RUNDC3B: variants seen among roughly 807,000 people sequenced by gnomAD.
RUNDC3B encodes the protein RUN domain containing 3B.
In RUNDC3B, 33 loss-of-function variants were observed where a neutral mutation model predicts 58.4. The ratio of observed to expected loss-of-function variants is 0.56; its 90% CI spans 0.43 to 0.75. RUNDC3B has a LOEUF of 0.75. Among genes scored for constraint, RUNDC3B ranks in the 30% least tolerant of loss-of-function variants. The pLI is 0.00. For missense variants in RUNDC3B, 501 were observed against 535.7 expected, an observed-to-expected ratio of 0.94 and a Z score of 0.64; for synonymous variants, 193 against 195.2, an observed-to-expected ratio of 0.99 and a Z score of 0.10.
At chr7:87,705,757 C>G (rs775672629) in intron 3 of RUNDC3B, among the ~76,000 whole-genome samples, 5 of 152,178 alleles carry the variant, frequency 3.3e-5, no homozygotes, top group Non-Finnish European at 5.9e-5. Context: ...TCTTCCGCAT[C>G]TGCTCTTGGG....
intron 10 of RUNDC3B, among the ~76,000 whole-genome samples, 174 bp downstream of exon 10, chr7:87,816,436 G>A (rs562585553): frequency 6.6e-6 from 1 of 152,130 alleles, no homozygotes; most frequent in East Asian, 1.9e-4. Flanking sequence ...GTGTGTGGGG[G>A]GGGCTAACCT....
intron 4 of RUNDC3B, among the ~76,000 whole-genome samples, chr7:87,733,628 G>A (rs372981020): frequency 1.2e-4 from 19 of 152,306 alleles, no homozygotes; most frequent in East Asian, 1.2e-3. Flanking sequence ...TCCACGGACC[G>A]TGGTGGCAGG....
Position 87,832,044 on chromosome 7 carries a change from T to A in RUNDC3B, c.*2014T>A, listed in dbSNP as rs1341542498. ...ACTTTTCCTCCTTTCTTGGAGATCT[T>A]GGTATAAAATTCATCTGCTGTTATA... On this transcript the variant is annotated 3_prime_UTR_variant, in exon 11 of 11. Coordinates refer to ENST00000394654, the MANE Select transcript of RUNDC3B (RefSeq NM_001134405.2). 6.6e-6 allele frequency: 1 copy of A among 151,942 alleles called. No individual in the cohort carries two copies. The highest frequency in any genetic ancestry group is 1.5e-5 in the Non-Finnish European group (1 of 67,880). The allele number at this position is 151,942 out of a possible 1,614,324, so 9.4% of individuals were successfully genotyped here.
intron 1 of RUNDC3B, among the ~76,000 whole-genome samples, chr7:87,642,563 G>A (rs1225896469): frequency 6.6e-6 from 1 of 151,862 alleles, no homozygotes; most frequent in African/African-American, 2.4e-5. Flanking sequence ...AAGTTTTCTT[G>A]GTTTGATGGC....
intron 10 of RUNDC3B, among the ~76,000 whole-genome samples, chr7:87,821,373 G>T (rs1402289646): frequency 2.6e-5 from 4 of 152,092 alleles, no homozygotes; most frequent in Admixed American, 2.0e-4. Flanking sequence ...ACAAACCACT[G>T]CTCAATGAAA....
intron 4 of RUNDC3B, among the ~76,000 whole-genome samples, chr7:87,736,867 ATATATATATATATATATATATATTT>A (rs1831975649): frequency 5.6e-5 from 2 of 35,512 alleles, no homozygotes; most frequent in African/African-American, 2.2e-4. Context: ...ATATATATAT[ATATATATATATATATATATATATTT>A]TTTTTTTTTT....
At chr7:87,802,454 T>C (rs1004850740) in intron 8 of RUNDC3B, among the ~76,000 whole-genome samples, 10 of 152,020 alleles carry the variant, frequency 6.6e-5, no homozygotes, top group African/African-American at 2.4e-4. Context: ...GGAAAGTGGG[T>C]AAATGGACAC....
intron 2 of RUNDC3B, among the ~76,000 whole-genome samples, chr7:87,655,443 T>A (rs899482084): frequency 2.0e-5 from 3 of 152,066 alleles, no homozygotes; most frequent in African/African-American, 7.2e-5. Flanking sequence ...CCAGGAGACA[T>A]TATGTTGAGT....
intron 2 of RUNDC3B, among the ~76,000 whole-genome samples, chr7:87,663,335 C>T (rs1019915652): frequency 1.3e-5 from 2 of 152,060 alleles, no homozygotes; most frequent in Admixed American, 1.3e-4. Context: ...CCCATTGACG[C>T]TATTAACTAA....
At chr7:87,762,885 A>G (rs1015294780) in intron 6 of RUNDC3B, among the ~76,000 whole-genome samples, 2 of 151,512 alleles carry the variant, frequency 1.3e-5, no homozygotes, top group Admixed American at 1.3e-4. Flanking sequence ...AATTAAAAAA[A>G]AACTACTCCG....
chr7:87,639,516 T>C (rs1389771907), intron 1 of RUNDC3B, among the ~76,000 whole-genome samples: 1 of 152,186 alleles, frequency 6.6e-6, no homozygotes, highest in Non-Finnish European at 1.5e-5. Flanking sequence ...ACTGTAGATT[T>C]GTCTGTTTCT....
chr7:87,739,729 T>C, intron 4 of RUNDC3B, 62 bp from the exon 5 acceptor site: 1 of 739,808 alleles, frequency 1.4e-6, no homozygotes, highest in Non-Finnish European at 2.3e-6. Flanking sequence ...CTAAATGATT[T>C]CTCTCGATCA....
At chr7:87,634,627 C>CAA (rs1158146732) in intron 1 of RUNDC3B, among the ~76,000 whole-genome samples, 1 of 118,820 alleles carries the variant, frequency 8.4e-6, no homozygotes, top group Non-Finnish European at 1.8e-5. Context: ...ACTCTTGTCT[C>CAA]AAAAAAAAAA....
rs553852146 is a variant in RUNDC3B, at chr7:87,725,335, G to A, written c.459-14456G>A. ...AATTCGCACCTATAAGTGAGAACATGCGGTGTTTGGTTTTATGTTCTTGTG... is the reference window on the plus strand; with the variant it reads ...AATTCGCACCTATAAGTGAGAACATACGGTGTTTGGTTTTATGTTCTTGTG... On this transcript the variant is annotated intron_variant, in intron 4 of 10. Transcript: ENST00000394654. 3.9e-5 allele frequency among the ~76,000 whole-genome samples: 6 copies of A among 152,268 alleles called. No homozygotes were observed. The East Asian group carries it at 1.2e-3, about 29-fold the overall frequency.
intron 2 of RUNDC3B, among the ~76,000 whole-genome samples, chr7:87,682,595 A>G (rs1827035985): frequency 6.6e-6 from 1 of 152,238 alleles, no homozygotes; most frequent in African/African-American, 2.4e-5. Flanking sequence ...TGCATTGTCA[A>G]TGAGCAGTAA....
intron 4 of RUNDC3B, among the ~76,000 whole-genome samples, chr7:87,716,089 T>A (rs1230911825): frequency 2.6e-5 from 4 of 152,156 alleles, no homozygotes; most frequent in African/African-American, 9.7e-5. Context: ...TAATTAATTT[T>A]TAAAAAAATA....
chr7:87,700,529 A>C lies in RUNDC3B; in HGVS notation c.347A>C (p.Glu116Ala). 6.2e-7 allele frequency: 1 copy of C among 1,613,256 alleles called. No homozygotes were observed. The highest frequency in any genetic ancestry group is 1.1e-5 in the South Asian group (1 of 90,840). The change falls in exon 3 of 11, where the codon GAA (glutamate) becomes GCA (alanine). Residue 116 changes from glutamate (E) to alanine (A), a missense_variant. Transcript: ENST00000394654. Reference sequence around the variant, plus strand: ...TGTATCTGCAGCATTGAAAATATGGAAAATGTCAGTTCTTCTAGAGCTAAG... The same window carrying C: ...TGTATCTGCAGCATTGAAAATATGGCAAATGTCAGTTCTTCTAGAGCTAAG... The part of the protein sequence containing the change: ...QNCICSIENM[E>A]NVSSSRAKGR...
intron 4 of RUNDC3B, among the ~76,000 whole-genome samples, chr7:87,734,489 A>G (rs918389226): frequency 2.0e-5 from 3 of 152,038 alleles, no homozygotes; most frequent in Admixed American, 2.0e-4. Context: ...CAATCTCTTT[A>G]CTATTGCTGG....
chr7:87,823,073 G>A (rs919439723), intron 10 of RUNDC3B, among the ~76,000 whole-genome samples: 85 of 151,790 alleles, frequency 5.6e-4, no homozygotes, highest in African/African-American at 1.9e-3. Flanking sequence ...AAGATCACAT[G>A]TGTAAACAAG....
Sources: allele counts gnomAD v4.1 joint callset (sites outside exome capture counted in the v4.1 genomes callset), GRCh38; gene constraint gnomAD v4.1.1; transcripts MANE v1.5; gene names NCBI Gene and HGNC (gene_info 2026-07-23, HGNC 2026-07-21).